PPP1R9A: variants seen among roughly 807,000 people sequenced by gnomAD.
PPP1R9A encodes the protein protein phosphatase 1 regulatory subunit 9A.
Under a neutral mutation model 141.9 loss-of-function variants are expected in PPP1R9A, and 59 were observed. That is an observed-to-expected ratio of 0.42 (90% CI 0.34 to 0.52). The LOEUF is 0.52. Among genes scored for constraint, PPP1R9A ranks in the 20% least tolerant of loss-of-function variants. PPP1R9A has a pLI of 0.10. For missense variants in PPP1R9A, 1,444 were observed against 1,611.9 expected, an observed-to-expected ratio of 0.90 and a Z score of 1.78; for synonymous variants, 500 against 569.7, an observed-to-expected ratio of 0.88 and a Z score of 1.74.
intron 2 of PPP1R9A, among the ~76,000 whole-genome samples, chr7:94,990,864 T>A (rs907891983): frequency 3.3e-5 from 5 of 152,152 alleles, no homozygotes; most frequent in Non-Finnish European, 7.4e-5. Flanking sequence ...ATCCTTGTTA[T>A]TGCAAATTAC....
intron 4 of PPP1R9A, among the ~76,000 whole-genome samples, chr7:95,140,137 C>G (rs982776798): frequency 3.3e-5 from 5 of 152,138 alleles, no homozygotes; most frequent in Non-Finnish European, 5.9e-5. Context: ...GGTTGTAGCT[C>G]CATTCATTTT....
chr7:95,100,948 G>A (rs1584689121), intron 2 of PPP1R9A, among the ~76,000 whole-genome samples: 1 of 145,300 alleles, frequency 6.9e-6, no homozygotes, highest in East Asian at 2.0e-4. Context: ...CGCCTCCCGG[G>A]TTCACGCCAT....
At chr7:95,127,665 C>G (rs919707177) in intron 4 of PPP1R9A, among the ~76,000 whole-genome samples, 3 of 152,082 alleles carry the variant, frequency 2.0e-5, no homozygotes, top group Non-Finnish European at 4.4e-5. Context: ...CCTTGTCTCC[C>G]TCTCTTGCTC....
intron 2 of PPP1R9A, among the ~76,000 whole-genome samples, chr7:94,979,319 A>G (rs1416202715): frequency 6.6e-6 from 1 of 152,222 alleles, no homozygotes; most frequent in Admixed American, 6.5e-5. Context: ...ATTAATAGCC[A>G]GGTATATCCT....
At chr7:95,102,966 T>TG (rs1818985910) in intron 2 of PPP1R9A, among the ~76,000 whole-genome samples, 1 of 152,152 alleles carries the variant, frequency 6.6e-6, no homozygotes, top group Non-Finnish European at 1.5e-5. Flanking sequence ...TTTAAAGCAG[T>TG]GGGCTAAAGC....
chr7:95,093,793 A>G (rs1817662669), intron 2 of PPP1R9A, among the ~76,000 whole-genome samples: 1 of 152,206 alleles, frequency 6.6e-6, no homozygotes, highest in Non-Finnish European at 1.5e-5. Flanking sequence ...AGCCTGAACT[A>G]TGCATAAGAC....
intron 2 of PPP1R9A, among the ~76,000 whole-genome samples, chr7:95,081,074 G>A (rs1815750497): frequency 6.6e-6 from 1 of 152,138 alleles, no homozygotes; most frequent in Non-Finnish European, 1.5e-5. Flanking sequence ...AGAAGGGTAT[G>A]TAGCTTCATC....
At chr7:95,155,904 A>C (rs550791635) in intron 4 of PPP1R9A, 1 of 152,332 alleles carries the variant, frequency 6.6e-6, no homozygotes, top group African/African-American at 2.4e-5. Context: ...AAAATATTAG[A>C]ATTTTCCAGG....
At chr7:94,943,153 G>A (rs1795525570) in intron 2 of PPP1R9A, among the ~76,000 whole-genome samples, 1 of 152,122 alleles carries the variant, frequency 6.6e-6, no homozygotes, top group African/African-American at 2.4e-5. Flanking sequence ...TACTAAAATT[G>A]AGTAAACTGC....
chr7:95,210,941 G>T (rs535640150), intron 7 of PPP1R9A, among the ~76,000 whole-genome samples: 1 of 152,086 alleles, frequency 6.6e-6, no homozygotes, highest in Admixed American at 6.5e-5. Context: ...AGTGTGAGTG[G>T]ATCAATGAGA....
intron 4 of PPP1R9A, among the ~76,000 whole-genome samples, chr7:95,158,209 G>A (rs1406191923): frequency 6.6e-6 from 1 of 152,084 alleles, no homozygotes; most frequent in Non-Finnish European, 1.5e-5. Context: ...CTTAACTCTG[G>A]GGGGGAAATG....
At chr7:94,979,166 C>T (rs770303244) in intron 2 of PPP1R9A, among the ~76,000 whole-genome samples, 5 of 152,184 alleles carry the variant, frequency 3.3e-5, no homozygotes, top group Admixed American at 1.3e-4. Flanking sequence ...TGGGCAAATT[C>T]TGAAGGGAGA....
intron 2 of PPP1R9A, among the ~76,000 whole-genome samples, chr7:95,066,201 G>A (rs1391536231): frequency 6.6e-6 from 1 of 152,170 alleles, no homozygotes; most frequent in Non-Finnish European, 1.5e-5. Context: ...TTTGCACAGA[G>A]GAAACACTGT....
chr7:95,145,430 A>C (rs1827427715), intron 4 of PPP1R9A, among the ~76,000 whole-genome samples: 1 of 152,262 alleles, frequency 6.6e-6, no homozygotes, highest in Non-Finnish European at 1.5e-5. Flanking sequence ...ATTCATTAAA[A>C]GTTAAAACCA....
At chr7:95,016,517 A>G (rs1205006744) in intron 2 of PPP1R9A, among the ~76,000 whole-genome samples, 1 of 152,174 alleles carries the variant, frequency 6.6e-6, no homozygotes, top group Non-Finnish European at 1.5e-5. Flanking sequence ...ATACATGCCT[A>G]AGTAGAAGGT....
chr7:94,988,149 A>G (rs1358240968), intron 2 of PPP1R9A, among the ~76,000 whole-genome samples: 3 of 152,126 alleles, frequency 2.0e-5, no homozygotes, highest in Admixed American at 6.6e-5. Context: ...TCTTTATTAC[A>G]ATTAAAATAC....
chr7:95,179,735 G>A (rs1348264782), intron 5 of PPP1R9A, among the ~76,000 whole-genome samples: 1 of 140,308 alleles, frequency 7.1e-6, no homozygotes, highest in Non-Finnish European at 1.5e-5. Context: ...TAGCAACAAA[G>A]TGGAGTATCA....
chr7:94,957,000 AAAGTGTT>A (rs1797142557), intron 2 of PPP1R9A, among the ~76,000 whole-genome samples: 1 of 152,188 alleles, frequency 6.6e-6, no homozygotes, highest in Non-Finnish European at 1.5e-5. Flanking sequence ...TTTCACAAAT[AAAGTGTT>A]AAACATCAAA....
intron 2 of PPP1R9A, among the ~76,000 whole-genome samples, chr7:95,061,690 T>A (rs763147393): frequency 6.6e-5 from 10 of 152,124 alleles, no homozygotes; most frequent in Non-Finnish European, 1.3e-4. Context: ...GGGCCATGAT[T>A]GTGCCACTGC....
Sources: allele counts gnomAD v4.1 joint callset (sites outside exome capture counted in the v4.1 genomes callset), GRCh38; gene constraint gnomAD v4.1.1; transcripts MANE v1.5; gene names NCBI Gene and HGNC (gene_info 2026-07-23, HGNC 2026-07-21).